C16orf74: variants seen among roughly 807,000 people sequenced by gnomAD.
C16orf74 encodes the protein uncharacterized protein C16orf74.
In C16orf74, 10 loss-of-function variants were observed where a neutral mutation model predicts 6.5. The ratio of observed to expected loss-of-function variants is 1.54; its 90% CI spans 0.95 to 2.61. The LOEUF (loss-of-function observed/expected upper bound fraction) is 2.61. Among genes scored for constraint, C16orf74 ranks in the 30% most tolerant of loss-of-function variants. The pLI, the probability that C16orf74 is intolerant of heterozygous loss-of-function variation, is 0.00. For synonymous variants in C16orf74, 60 were observed against 42.5 expected, an observed-to-expected ratio of 1.41 and a Z score of -1.60; for missense variants, 141 against 105.9, an observed-to-expected ratio of 1.33 and a Z score of -1.45.
At chr16:85,726,229 C>G (rs1370001427) in intron 2 of C16orf74, among the ~76,000 whole-genome samples, 1 of 152,200 alleles carries the variant, frequency 6.6e-6, no homozygotes, top group African/African-American at 2.4e-5. Flanking sequence ...ACACACCATT[C>G]CACATTTCCG....
intron 2 of C16orf74, 131 bp from the exon 3 acceptor site, chr16:85,710,438 C>A: frequency 6.4e-6 from 5 of 781,370 alleles, no homozygotes; most frequent in South Asian, 2.2e-5. Context: ...CAGCAAGGAG[C>A]GCAGCTGTCC....
intron 1 of C16orf74, among the ~76,000 whole-genome samples, chr16:85,739,679 A>G (rs2054281642): frequency 6.6e-6 from 1 of 152,058 alleles, no homozygotes; most frequent in African/African-American, 2.4e-5. Flanking sequence ...GCATGCCTGT[A>G]ACCCAAGCTA....
At chr16:85,729,680 G>A (rs2054168309) in intron 2 of C16orf74, among the ~76,000 whole-genome samples, 1 of 152,190 alleles carries the variant, frequency 6.6e-6, no homozygotes. Flanking sequence ...TGGGGGCGGA[G>A]GGGCTCTAAA....
intron 1 of C16orf74, among the ~76,000 whole-genome samples, chr16:85,737,076 C>T (rs1475246582): frequency 6.6e-6 from 1 of 151,968 alleles, no homozygotes; most frequent in Non-Finnish European, 1.5e-5. Context: ...GGGTGAGGCA[C>T]ATAACAGTCT....
intron 2 of C16orf74, among the ~76,000 whole-genome samples, chr16:85,714,922 C>T (rs528557763): frequency 4.6e-5 from 7 of 151,116 alleles, no homozygotes; most frequent in African/African-American, 7.3e-5. Context: ...TTTGGGAGGC[C>T]GAGGCGGGCG....
At chr16:85,731,398 G>T (rs1051697658) in intron 2 of C16orf74, among the ~76,000 whole-genome samples, 3 of 152,246 alleles carry the variant, frequency 2.0e-5, no homozygotes, top group African/African-American at 7.2e-5. Context: ...GCAGAGCTGG[G>T]ATTTGAACCC....
chr16:85,742,502 C>T (rs1185400649), intron 1 of C16orf74, among the ~76,000 whole-genome samples: 3 of 152,154 alleles, frequency 2.0e-5, no homozygotes, highest in Non-Finnish European at 2.9e-5. Flanking sequence ...ACCATCCTGG[C>T]GCCATGTTTC....
chr16:85,718,876 G>A (rs1428019403), intron 2 of C16orf74, among the ~76,000 whole-genome samples: 1 of 152,184 alleles, frequency 6.6e-6, no homozygotes, highest in East Asian at 1.9e-4. Flanking sequence ...GGGTGCCAAC[G>A]GCTACTGTTC....
chr16:85,743,278 T>A (rs899593168), intron 1 of C16orf74: 1 of 152,210 alleles, frequency 6.6e-6, no homozygotes, highest in African/African-American at 2.4e-5. Flanking sequence ...GAGCCACTGT[T>A]ACCTTAAACT....
intron 2 of C16orf74, among the ~76,000 whole-genome samples, chr16:85,733,984 C>G (rs2054218042): frequency 1.3e-5 from 2 of 152,248 alleles, no homozygotes; most frequent in African/African-American, 4.8e-5. Context: ...GAGCGGATTC[C>G]TCCCAGCCTG....
At position 85,749,386 on chromosome 16, in the gene C16orf74, A is replaced by G. The variant is rs114656308; in HGVS notation, c.-19+1540T>C. 1.9e-3 allele frequency among the ~76,000 whole-genome samples: 292 copies of G among 152,238 alleles called. 2 individuals are homozygous for G. The highest frequency in any genetic ancestry group is 6.2e-3 in the African/African-American group (259 of 41,552). ...CTGTAGCCTCAACTTCTTGGGCTCA[A>G]GGAAACCTCCCGTCTCAGCCTCCTA... On this transcript the variant is annotated intron_variant, in intron 1 of 3. Transcript: ENST00000284245.
chr16:85,733,355 T>C (rs1244210091), intron 2 of C16orf74, among the ~76,000 whole-genome samples: 1 of 152,078 alleles, frequency 6.6e-6, no homozygotes, highest in African/African-American at 2.4e-5. Context: ...AGCAGATTCT[T>C]AGAGACAGGA....
chr16:85,740,222 AAAAAAAAAG>A (rs1219328824), intron 1 of C16orf74, among the ~76,000 whole-genome samples: 1 of 150,186 alleles, frequency 6.7e-6, no homozygotes, highest in Non-Finnish European at 1.5e-5. Flanking sequence ...AAAAAAAAAA[AAAAAAAAAG>A]AAAAAGAAAT....
chr16:85,743,411 A>G (rs889046478), intron 1 of C16orf74: 1 of 152,172 alleles, frequency 6.6e-6, no homozygotes, highest in African/African-American at 2.4e-5. Flanking sequence ...CTAAGAGATA[A>G]ACATTATCAC....
At chr16:85,723,357 AG>A (rs1256586840) in intron 2 of C16orf74, among the ~76,000 whole-genome samples, 1 of 151,484 alleles carries the variant, frequency 6.6e-6, no homozygotes, top group Non-Finnish European at 1.5e-5. Context: ...GAGGCCAGCC[AG>A]GCATTTGAAG....
Position 85,707,810 on chromosome 16 carries a change from G to A in C16orf74, c.*198C>T, listed in dbSNP as rs2053927263. On this transcript the variant is annotated 3_prime_UTR_variant, in exon 4 of 4. Transcript: ENST00000284245. ...TGTCAGAGGTCCGGTCCACTCAGCG[G>A]GGCCTGGGAAACACTGTTCTGGAAG... 1.7e-6 allele frequency: 1 copy of A among 588,584 alleles called. No individual in the cohort carries two copies. The highest frequency in any genetic ancestry group is 2.0e-5 in the South Asian group (1 of 49,518). 36.5% of individuals were successfully genotyped at this position (588,584 alleles called of 1,614,324 possible). A position where few individuals can be genotyped will look rare whatever the true frequency, so the allele number is the denominator to read the frequency against.
At chr16:85,714,354 A>G (rs1201635743) in intron 2 of C16orf74, among the ~76,000 whole-genome samples, 1 of 150,268 alleles carries the variant, frequency 6.7e-6, no homozygotes, top group Non-Finnish European at 1.5e-5. Flanking sequence ...GAACCCCAAC[A>G]CTGTTTCCTC....
intron 2 of C16orf74, among the ~76,000 whole-genome samples, chr16:85,723,949 C>A (rs1029856329): frequency 3.3e-5 from 5 of 152,194 alleles, no homozygotes; most frequent in Non-Finnish European, 7.4e-5. Context: ...TGCTCCCGTG[C>A]CCGGCCATGT....
chr16:85,722,069 C>T (rs970759882), intron 2 of C16orf74, among the ~76,000 whole-genome samples: 2 of 140,200 alleles, frequency 1.4e-5, no homozygotes, highest in African/African-American at 5.3e-5. Flanking sequence ...CGCGGTCTTG[C>T]TGCCTTGGCC....
Sources: gnomAD v4.1 joint callset for allele counts (sites outside exome capture counted in the v4.1 genomes callset) on GRCh38, gnomAD v4.1.1 for gene constraint, MANE v1.5 for transcripts, NCBI Gene and HGNC (gene_info 2026-07-23, HGNC 2026-07-21) for gene names.